UNC13C: variants seen among roughly 807,000 people sequenced by gnomAD.
UNC13C encodes the protein protein unc-13 homolog C.
Under a neutral mutation model 245.4 loss-of-function variants are expected in UNC13C, and 174 were observed. The ratio of observed to expected loss-of-function variants is 0.71; its 90% CI spans 0.63 to 0.80. UNC13C has a LOEUF of 0.80. Among genes scored for constraint, UNC13C ranks in the 30% least tolerant of loss-of-function variants. UNC13C has a pLI of 0.00. For missense variants in UNC13C, 2,829 were observed against 2,602.9 expected, an observed-to-expected ratio of 1.09 and a Z score of -1.89; for synonymous variants, 992 against 895.1, an observed-to-expected ratio of 1.11 and a Z score of -1.93.
intron 2 of UNC13C, among the ~76,000 whole-genome samples, chr15:54,075,891 A>G (rs961474541): frequency 1.3e-5 from 2 of 152,128 alleles, no homozygotes; most frequent in African/African-American, 4.8e-5. Context: ...AAATAGTTTT[A>G]AATCTGCAAG....
intron 19 of UNC13C, among the ~76,000 whole-genome samples, chr15:54,459,766 G>T (rs149497670): frequency 6.6e-6 from 1 of 151,134 alleles, no homozygotes; most frequent in South Asian, 2.1e-4. Flanking sequence ...TCTTTATGAT[G>T]TCTATTTATC....
chr15:53,915,124 C>A, the UNC13C span, among the ~76,000 whole-genome samples: 1 of 152,334 alleles, frequency 6.6e-6, no homozygotes, highest in African/African-American at 2.4e-5. Context: ...CACACACTCA[C>A]TCCATAAGGC....
chr15:54,068,840 G>A (rs990420396), intron 2 of UNC13C, among the ~76,000 whole-genome samples: 4 of 152,090 alleles, frequency 2.6e-5, no homozygotes, highest in African/African-American at 4.8e-5. Flanking sequence ...TATAATGAGG[G>A]CAAACTACAG....
At chr15:54,437,014 A>C (rs1401518788) in intron 19 of UNC13C, among the ~76,000 whole-genome samples, 4 of 151,906 alleles carry the variant, frequency 2.6e-5, no homozygotes, top group African/African-American at 9.7e-5. Flanking sequence ...TAGCCTGCAA[A>C]ATTTGAAATT....
chr15:54,424,810 G>T (rs1383890391), intron 19 of UNC13C, among the ~76,000 whole-genome samples: 1 of 151,890 alleles, frequency 6.6e-6, no homozygotes, highest in African/African-American at 2.4e-5. Context: ...GACAGGAGCA[G>T]CTTGGATCAT....
chr15:54,479,522 T>A (rs1439140416), intron 19 of UNC13C, among the ~76,000 whole-genome samples: 1 of 152,158 alleles, frequency 6.6e-6, no homozygotes, highest in African/African-American at 2.4e-5. Flanking sequence ...TAAATCCATT[T>A]AACCTGTTTA....
chr15:53,914,917 C>G, the UNC13C span, among the ~76,000 whole-genome samples: 6 of 152,222 alleles, frequency 3.9e-5, no homozygotes, highest in African/African-American at 1.4e-4. Context: ...TATGTATATA[C>G]TGTATTCCTT....
intron 8 of UNC13C, among the ~76,000 whole-genome samples, chr15:54,250,991 C>G (rs953011527): frequency 1.3e-5 from 2 of 151,988 alleles, no homozygotes; most frequent in Non-Finnish European, 2.9e-5. Context: ...CTCCTGACCT[C>G]ATGATCTGCC....
intron 10 of UNC13C, among the ~76,000 whole-genome samples, chr15:54,288,633 A>G (rs56084389): frequency 0.029 from 4,464 of 152,086 alleles, 97 homozygotes; most frequent in East Asian, 0.074. Context: ...GCATAAAACT[A>G]AAAAAGGGAA....
At chr15:54,517,261 A>G (rs1209628725) in intron 24 of UNC13C, among the ~76,000 whole-genome samples, 1 of 152,132 alleles carries the variant, frequency 6.6e-6, no homozygotes, top group South Asian at 2.1e-4. Flanking sequence ...TATAAAGTAT[A>G]TATTAGATAG....
At chr15:54,378,215 T>G in intron 17 of UNC13C, among the ~76,000 whole-genome samples, 1 of 152,184 alleles carries the variant, frequency 6.6e-6, no homozygotes, top group East Asian at 1.9e-4. Flanking sequence ...CAAGTTATCT[T>G]CTAGTCTTCT....
chr15:53,860,565 G>A, the UNC13C span, among the ~76,000 whole-genome samples: 1 of 152,194 alleles, frequency 6.6e-6, no homozygotes, highest in Non-Finnish European at 1.5e-5. Flanking sequence ...CCTGAAATCT[G>A]AATCTCTCTT....
intron 17 of UNC13C, among the ~76,000 whole-genome samples, chr15:54,389,140 T>TA (rs2039900077): frequency 6.6e-6 from 1 of 152,210 alleles, no homozygotes; most frequent in Non-Finnish European, 1.5e-5. Flanking sequence ...TAGTCTTTTA[T>TA]TTCCCAAAGT....
intron 18 of UNC13C, among the ~76,000 whole-genome samples, chr15:54,398,583 T>G (rs2140925702): frequency 6.6e-6 from 1 of 151,256 alleles, no homozygotes; most frequent in South Asian, 2.1e-4. Context: ...GGGCTTAGAG[T>G]TTTATTGTAG....
chr15:54,036,334 CA>C (rs909778977), intron 2 of UNC13C, among the ~76,000 whole-genome samples: 9 of 152,312 alleles, frequency 5.9e-5, no homozygotes, highest in African/African-American at 1.9e-4. Context: ...GTGCCCAGGG[CA>C]GCCCACAACA....
intron 2 of UNC13C, among the ~76,000 whole-genome samples, chr15:54,126,858 T>C (rs2031077933): frequency 6.6e-6 from 1 of 152,006 alleles, no homozygotes; most frequent in Non-Finnish European, 1.5e-5. Flanking sequence ...TAAACAAATT[T>C]ACAAGAAAAA....
chr15:53,946,669 T>C, the UNC13C span, among the ~76,000 whole-genome samples: 23 of 136,222 alleles, frequency 1.7e-4, no homozygotes, highest in South Asian at 5.6e-3. Flanking sequence ...TGCAGTGAGC[T>C]GAGGTTTTTT....
chr15:54,203,528 G>GTATATATA, intron 4 of UNC13C, among the ~76,000 whole-genome samples: 1 of 140,548 alleles, frequency 7.1e-6, no homozygotes, highest in Non-Finnish European at 1.5e-5. Context: ...ACATATATAT[G>GTATATATA]TATATATATA....
At chr15:54,136,228 C>A (rs186755841) in intron 2 of UNC13C, among the ~76,000 whole-genome samples, 50 of 152,294 alleles carry the variant, frequency 3.3e-4, no homozygotes, top group African/African-American at 1.2e-3. Flanking sequence ...GCCTTGACCT[C>A]CCAGGCTCAG....
Sources: gnomAD v4.1 joint callset for allele counts (sites outside exome capture counted in the v4.1 genomes callset) on GRCh38, gnomAD v4.1.1 for gene constraint, MANE v1.5 for transcripts, NCBI Gene and HGNC (gene_info 2026-07-23, HGNC 2026-07-21) for gene names.